DLG2: variants seen among roughly 807,000 people sequenced by gnomAD.
DLG2 encodes the protein discs large MAGUK scaffold protein 2.
In DLG2, 45 loss-of-function variants were observed where a neutral mutation model predicts 132.5. The ratio of observed to expected loss-of-function variants is 0.34; its 90% confidence interval spans 0.27 to 0.44. The LOEUF is 0.44. DLG2 is among the 20% of genes least tolerant of loss of function. The pLI is 1.00. For missense variants in DLG2, 1,045 were observed against 1,196.9 expected, an observed-to-expected ratio of 0.87 and a Z score of 1.87; for synonymous variants, 424 against 419.6, an observed-to-expected ratio of 1.01 and a Z score of -0.13.
rs1473798697 is a variant in DLG2 at position 85,104,939 on chromosome 11, G to T, written c.357+6722C>A. On this transcript the variant is annotated intron_variant, in intron 6 of 27. Transcript: ENST00000376104. ...GAGAAAGAGGTGGGTGAATATTGAGGTCCACAAATCAGTCAAGTTGAATAA... is the reference window on the plus strand; with the variant it reads ...GAGAAAGAGGTGGGTGAATATTGAGTTCCACAAATCAGTCAAGTTGAATAA... Among the ~76,000 whole-genome samples the T allele has an allele frequency of 2.0e-5, 3 of 147,210 alleles. No individual in the cohort carries two copies. In the East Asian group the frequency reaches 6.0e-4, roughly 30 times the overall value.
At chr11:84,585,191 G>A (rs930970143) in intron 6 of DLG2, among the ~76,000 whole-genome samples, 15 of 151,522 alleles carry the variant, frequency 9.9e-5, no homozygotes, top group Non-Finnish European at 1.5e-4. Flanking sequence ...TTAATTTTTC[G>A]TATTATATAT....
chr11:84,752,672 C>T (rs1216412205), intron 6 of DLG2, among the ~76,000 whole-genome samples: 5 of 145,504 alleles, frequency 3.4e-5, no homozygotes, highest in African/African-American at 5.1e-5. Flanking sequence ...CACCCACTAA[C>T]GCGTCATCTA....
chr11:83,679,434 A>G (rs2078354306), intron 18 of DLG2, among the ~76,000 whole-genome samples: 1 of 152,174 alleles, frequency 6.6e-6, no homozygotes, highest in African/African-American at 2.4e-5. Context: ...CATGTTCTCT[A>G]TTTGAAATAA....
chr11:84,695,158 C>T (rs918646591), intron 6 of DLG2, among the ~76,000 whole-genome samples: 11 of 151,560 alleles, frequency 7.3e-5, no homozygotes, highest in African/African-American at 2.4e-4. Flanking sequence ...AAGCATTATA[C>T]ATCTACTAGT....
In DLG2 at chr11:84,143,856, T is replaced by G. The variant is rs1422523282; in HGVS notation, c.624+19605A>C. 2.7e-4 allele frequency among the ~76,000 whole-genome samples: 41 copies of G among 152,142 alleles called. 2 individuals carry two copies. The highest frequency in any genetic ancestry group is 2.6e-3 in the Admixed American group (40 of 15,242). Reference sequence around the variant, plus strand: ...CAGCCTGTAAAGATTTCCCTGCTTTTGTTTTCAAAACCTAATAAACACGTT... The same window carrying G: ...CAGCCTGTAAAGATTTCCCTGCTTTGGTTTTCAAAACCTAATAAACACGTT... On this transcript the variant is annotated intron_variant, in intron 9 of 27. Transcript: ENST00000376104.
chr11:84,437,900 A>G (rs947259329), intron 7 of DLG2: 1 of 152,638 alleles, frequency 6.6e-6, no homozygotes. Context: ...GCTTCCCTCT[A>G]TCTTGACAGT....
rs143520042 is a variant in DLG2 at position 83,614,700 on chromosome 11, A to C, written c.1940+18511T>G. Among the ~76,000 whole-genome samples the C allele has an allele frequency of 8.2e-3, 1,250 of 152,284 alleles. 26 individuals carry two copies. Among genetic ancestry groups the C allele is most frequent in the African/African-American group, 0.028 (1,179 of 41,562 alleles). ...ACACCACTGCACTCCAGCCTGGGCA[A>C]CAGAGCAAGACCCTGTCTCAACAAC... On this transcript the variant is annotated intron_variant, in intron 19 of 27. Coordinates refer to ENST00000376104, the MANE Select transcript of DLG2 (RefSeq NM_001142699.3).
chr11:84,633,199 T>C (rs935416200), intron 6 of DLG2, among the ~76,000 whole-genome samples: 1 of 152,216 alleles, frequency 6.6e-6, no homozygotes, highest in African/African-American at 2.4e-5. Context: ...CTCTTATTTT[T>C]AGAACAAAGT....
chr11:85,087,854 A>AAAAAAAAAAAAAAAAAAG, intron 6 of DLG2, among the ~76,000 whole-genome samples: 1 of 147,874 alleles, frequency 6.8e-6, no homozygotes, highest in Non-Finnish European at 1.5e-5. Context: ...CAAAAAAAAA[A>AAAAAAAAAAAAAAAAAAG]AAAAAAAAAA....
intron 10 of DLG2, among the ~76,000 whole-genome samples, chr11:84,092,273 G>A (rs2097104578): frequency 6.6e-6 from 1 of 152,206 alleles, no homozygotes; most frequent in Non-Finnish European, 1.5e-5. Flanking sequence ...ACAGACTTGT[G>A]GCTGAGGTTC....
intron 15 of DLG2, among the ~76,000 whole-genome samples, chr11:83,929,082 TA>T (rs113587894): frequency 0.22 from 33,461 of 152,094 alleles, 7,176 homozygotes; most frequent in African/African-American, 0.56. Flanking sequence ...TGCAAATTAA[TA>T]AAAAAATGCC....
chr11:85,347,967 CTTTTTTTTTTTTTTTTT>C (rs35083224), intron 3 of DLG2, among the ~76,000 whole-genome samples: 10 of 40,402 alleles, frequency 2.5e-4, no homozygotes, highest in Non-Finnish European at 3.6e-4. Context: ...CCACACTTAA[CTTTTTTTTTTTTTTTTT>C]TTTTTTTTTT....
At chr11:84,352,417 T>C (rs1173603831) in intron 7 of DLG2, among the ~76,000 whole-genome samples, 1 of 152,182 alleles carries the variant, frequency 6.6e-6, no homozygotes, top group Admixed American at 6.5e-5. Context: ...AGGGGAACGA[T>C]AGAAAGAATA....
At chr11:85,064,288 G>A (rs2064543054) in intron 6 of DLG2, among the ~76,000 whole-genome samples, 1 of 151,656 alleles carries the variant, frequency 6.6e-6, no homozygotes, top group South Asian at 2.1e-4. Context: ...TCAATTCTAG[G>A]TACAAGAAGC....
At chr11:85,385,622 C>T (rs2086260627) in intron 3 of DLG2, among the ~76,000 whole-genome samples, 1 of 152,152 alleles carries the variant, frequency 6.6e-6, no homozygotes, top group Admixed American at 6.6e-5. Context: ...TTAGCCTGTT[C>T]ACATCAGTAA....
intron 6 of DLG2, among the ~76,000 whole-genome samples, chr11:84,924,362 G>A (rs1258697434): frequency 6.6e-6 from 1 of 152,132 alleles, no homozygotes; most frequent in Non-Finnish European, 1.5e-5. Flanking sequence ...TCTTTGCCAC[G>A]ATGCTCCCCA....
At position 84,287,707 on chromosome 11, in the gene DLG2, C is replaced by T. The variant is rs2097923979; in HGVS notation, c.520-36416G>A. ...TTCTCTCTTCCTTACTTCTACCTCT[C>T]TCCTTCTCTCCCTCCATATTTTTCT... On this transcript the variant is annotated intron_variant, in intron 7 of 27. Transcript: ENST00000376104. Among the ~76,000 whole-genome samples, 3 of 150,646 alleles carry T rather than the reference C, an allele frequency of 2.0e-5. No individual in the cohort carries two copies. The Admixed American group carries it at 2.0e-4, about 10-fold the overall frequency.
At chr11:85,530,215 T>C (rs1443107256) in intron 3 of DLG2, among the ~76,000 whole-genome samples, 1 of 152,032 alleles carries the variant, frequency 6.6e-6, no homozygotes, top group Non-Finnish European at 1.5e-5. Flanking sequence ...AAGCTGGTCT[T>C]GAACTCCCGA....
At chr11:83,505,906 T>C (rs1273887957) in intron 21 of DLG2, among the ~76,000 whole-genome samples, 1 of 152,164 alleles carries the variant, frequency 6.6e-6, no homozygotes, top group Non-Finnish European at 1.5e-5. Context: ...CTACTGATCA[T>C]AGGGAACTCC....
Sources: gnomAD v4.1 joint callset for allele counts (sites outside exome capture counted in the v4.1 genomes callset) on GRCh38, gnomAD v4.1.1 for gene constraint, MANE v1.5 for transcripts, NCBI Gene and HGNC (gene_info 2026-07-23, HGNC 2026-07-21) for gene names.